The following MYL5 variants were observed in gnomAD, a reference collection of about 807,000 sequenced individuals.
The protein encoded by MYL5 is myosin light chain 5, also known as myosin regulatory light chain 5.
MYL5 carries 28 observed loss-of-function variants against 20.8 expected under a neutral mutation model. The observed-to-expected ratio is 1.35, with a 90% CI of 1.00 to 1.84. The LOEUF is 1.84. Among genes scored for constraint, MYL5 ranks in the 40% most tolerant of loss-of-function variants. The pLI, the probability that MYL5 is intolerant of heterozygous loss-of-function variation, is 0.00. For synonymous variants in MYL5, 118 were observed against 87.4 expected (o/e 1.35, Z -1.95); for missense variants, 274 against 227.3 (o/e 1.21, Z -1.32).
At chr4:680,294 C>T (rs1396839824) in intron 4 of MYL5, among the ~76,000 whole-genome samples, 1 of 152,128 alleles carries the variant, frequency 6.6e-6, no homozygotes, top group Non-Finnish European at 1.5e-5. Flanking sequence ...TGACCCTGGG[C>T]ACCCCAAAAC....
At chr4:679,141 T>C (rs1459392830) in intron 3 of MYL5, 108 bp downstream of exon 5, 1 of 810,144 alleles carries the variant, frequency 1.2e-6, no homozygotes, top group Non-Finnish European at 1.7e-6. Flanking sequence ...GGCCCGCGCC[T>C]CAGAGGCCCA....
chr4:680,087 C>A, intron 4 of MYL5, 69 bp downstream of exon 6: 1 of 1,347,064 alleles, frequency 7.4e-7, no homozygotes, highest in Non-Finnish European at 1.0e-6. Context: ...GGACATTTCA[C>A]GTAAAAATCT....
chr4:678,473 G>A (rs2109332381), intron 1 of MYL5, 185 bp from the exon 4 acceptor site: 1 of 1,433,648 alleles, frequency 7.0e-7, no homozygotes, highest in Non-Finnish European at 9.1e-7. Context: ...GACACCTGCA[G>A]CCGTCCTGCC....
chr4:677,774 A>T (rs1356183029), upstream of MYL5: 3 of 605,762 alleles, frequency 5.0e-6, no homozygotes, highest in Non-Finnish European at 9.0e-6. Context: ...GGACAGGTGG[A>T]TGGGAGGTAG....
intron 1 of MYL5, chr4:678,318 C>T: frequency 7.0e-7 from 1 of 1,426,708 alleles, no homozygotes; most frequent in Non-Finnish European, 9.2e-7. Context: ...AATCCCGGTA[C>T]CCAGAACAAG....
chr4:679,044 A>C lies in MYL5; in HGVS notation c.187+11A>C. 1.2e-6 allele frequency: 2 copies of C among 1,612,334 alleles called. No homozygotes were observed. The highest frequency in any genetic ancestry group is 1.7e-6 in the Non-Finnish European group (2 of 1,178,976). On this transcript the variant is annotated intron_variant, in intron 3 of 6. Transcript: ENST00000400159. ...CCTATGCCTCCCTGGGTAGGTACCCAGGCAGAACGCCTCAGAGCCCTTGGA... is the reference window on the plus strand; with the variant it reads ...CCTATGCCTCCCTGGGTAGGTACCCCGGCAGAACGCCTCAGAGCCCTTGGA...
upstream of MYL5, chr4:676,281 C>G (rs988671767): frequency 6.6e-6 from 1 of 152,328 alleles, no homozygotes; most frequent in South Asian, 2.1e-4. Context: ...CTTCCAGAAT[C>G]AAAAATAAGT....
chr4:681,799 C>T, intron 6 of MYL5, 94 bp from the exon 9 acceptor site: 1 of 1,242,882 alleles, frequency 8.0e-7, no homozygotes, highest in African/African-American at 1.6e-5. Flanking sequence ...GCTCCCCCTC[C>T]CGCGGCGCAG....
upstream of MYL5, chr4:674,559 G>A (rs151112566): frequency 2.2e-6 from 1 of 461,136 alleles, no homozygotes; most frequent in Non-Finnish European, 3.9e-6. Flanking sequence ...CGCAGGGCTG[G>A]GGGTCCGCTG....
At position 680,035 on chromosome 4, in the gene MYL5, C is replaced by T. The variant is rs1237087049; in HGVS notation, c.292+17C>T. On this transcript the variant is annotated intron_variant, in intron 4 of 6. Transcript: ENST00000400159. ...AGCTGAGCGGTGAGCACCGGTGGGG[C>T]AGGCCTGGCCCTCCTAGCTAATTCC... The T allele has an allele frequency of 1.3e-6, 2 of 1,582,652 alleles. No homozygotes were observed. The highest frequency in any genetic ancestry group is 1.1e-5 in the South Asian group (1 of 89,158).
chr4:676,475 G>A (rs962481546), upstream of MYL5: 1 of 152,238 alleles, frequency 6.6e-6, no homozygotes, highest in Non-Finnish European at 1.5e-5. Context: ...GTGGTGGGAC[G>A]GGTCCCACCT....
chr4:678,149 G>A (rs1739040216), intron 1 of MYL5, 120 bp downstream of exon 3: 1 of 1,550,158 alleles, frequency 6.5e-7, no homozygotes, highest in Non-Finnish European at 8.7e-7. Flanking sequence ...GCAGGTGTGG[G>A]CGTGTGCTCT....
chr4:681,557 C>T (rs1257388475), intron 6 of MYL5, among the ~76,000 whole-genome samples: 1 of 148,580 alleles, frequency 6.7e-6, no homozygotes, highest in Non-Finnish European at 1.5e-5. Context: ...GCTGAAGGGC[C>T]GAGCCCGACA....
upstream of MYL5, chr4:676,207 C>T (rs1367273787): frequency 6.6e-6 from 1 of 152,276 alleles, no homozygotes; most frequent in Non-Finnish European, 1.5e-5. Flanking sequence ...CAGACGGCCT[C>T]AGGTGACAAT....
chr4:680,312 AC>A (rs1416986183), intron 4 of MYL5, among the ~76,000 whole-genome samples, 196 bp from the exon 7 acceptor site: 2 of 151,574 alleles, frequency 1.3e-5, no homozygotes, highest in Non-Finnish European at 2.9e-5. Flanking sequence ...AACTCACTAC[AC>A]CCCAGGGCAG....
Position 680,503 on chromosome 4 carries a change from T to C in MYL5, c.293-6T>C. The C allele has an allele frequency of 6.2e-7, 1 of 1,613,398 alleles. No homozygotes were observed. The highest frequency in any genetic ancestry group is 8.5e-7 in the Non-Finnish European group (1 of 1,179,856). The stretch of plus-strand genomic sequence containing the variant: ...CGGCCCTGGGCTGAAGGTGCCTTTG[T>C]GGCAGGTACCGACGCCGAGGAGACC... On this transcript the variant is annotated splice_region_variant and splice_polypyrimidine_tract_variant and intron_variant, in intron 4 of 6. Transcript: ENST00000400159.
chr4:678,211 C>T (rs546791224), intron 1 of MYL5, 182 bp downstream of exon 3: 9 of 1,506,538 alleles, frequency 6.0e-6, no homozygotes, highest in South Asian at 3.9e-5. Flanking sequence ...TGTGACCTTG[C>T]GGGTGTGGGC....
chr4:677,714 C>T (rs1031969279), upstream of MYL5, among the ~76,000 whole-genome samples: 3 of 152,162 alleles, frequency 2.0e-5, no homozygotes, highest in Non-Finnish European at 4.4e-5. Context: ...TACAGGTGGC[C>T]CTGCTGACAC....
At chr4:675,479 C>G (rs942052942), upstream of MYL5, 1 of 152,418 alleles carries the variant, frequency 6.6e-6, no homozygotes, top group Non-Finnish European at 1.5e-5. Context: ...CTCCAGGACT[C>G]TTGAAGCAAG....
Sources: gnomAD v4.1 joint callset for allele counts (sites outside exome capture counted in the v4.1 genomes callset) on GRCh38, gnomAD v4.1.1 for gene constraint, MANE v1.5 for transcripts, NCBI Gene and HGNC (gene_info 2026-07-23, HGNC 2026-07-21) for gene names.